The following GRIP1 variants were observed in gnomAD, a reference collection of about 807,000 sequenced individuals.
The protein encoded by GRIP1 is glutamate receptor interacting protein 1.
GRIP1 carries 45 observed loss-of-function variants against 129.9 expected under a neutral mutation model. That is an observed-to-expected ratio of 0.35 (90% confidence interval 0.27 to 0.44). GRIP1 has a LOEUF of 0.44. Among genes scored for constraint, GRIP1 ranks in the 20% least tolerant of loss-of-function variants. The pLI is 1.00. For synonymous variants in GRIP1, 530 were observed against 520.8 expected (o/e 1.02, Z -0.24); for missense variants, 1,196 against 1,396.8 (o/e 0.86, Z 2.29).
chr12:66,881,124 A>G (rs1047850217), intron 1 of GRIP1, among the ~76,000 whole-genome samples: 2 of 152,104 alleles, frequency 1.3e-5, no homozygotes, highest in African/African-American at 4.8e-5. Flanking sequence ...TGGACTATCT[A>G]ATGAATGGTA....
chr12:66,719,498 T>C (rs558855267), intron 1 of GRIP1, among the ~76,000 whole-genome samples: 136 of 152,300 alleles, frequency 8.9e-4, no homozygotes, highest in African/African-American at 3.2e-3. Context: ...TTATTGTAAA[T>C]CCCTGAGATA....
At chr12:66,943,036 AGTCTG>A (rs1192281279) in intron 1 of GRIP1, among the ~76,000 whole-genome samples, 1 of 152,198 alleles carries the variant, frequency 6.6e-6, no homozygotes, top group Non-Finnish European at 1.5e-5. Flanking sequence ...TAAGCCGCCC[AGTCTG>A]CAGTATTCTA....
intron 7 of GRIP1, among the ~76,000 whole-genome samples, chr12:66,489,631 G>T (rs1377719463): frequency 6.6e-6 from 1 of 152,128 alleles, no homozygotes; most frequent in African/African-American, 2.4e-5. Flanking sequence ...TCAGGCAATA[G>T]AAAGAAATAA....
At chr12:66,836,014 C>T (rs1009830676) in intron 1 of GRIP1, among the ~76,000 whole-genome samples, 1 of 152,154 alleles carries the variant, frequency 6.6e-6, no homozygotes, top group African/African-American at 2.4e-5. Flanking sequence ...CTTAATTTTA[C>T]TATGAACCTA....
At chr12:66,645,535 A>G (rs181558293) in intron 1 of GRIP1, among the ~76,000 whole-genome samples, 1 of 152,346 alleles carries the variant, frequency 6.6e-6, no homozygotes, top group East Asian at 1.9e-4. Context: ...CATGAAGTCC[A>G]GTGCTTTAGA....
chr12:66,842,679 G>T (rs756511826), intron 1 of GRIP1, among the ~76,000 whole-genome samples: 1 of 152,134 alleles, frequency 6.6e-6, no homozygotes, highest in African/African-American at 2.4e-5. Flanking sequence ...GACTGATAGG[G>T]ATGTCTCTGA....
At chr12:66,654,219 GA>G (rs953144263) in intron 1 of GRIP1, among the ~76,000 whole-genome samples, 18 of 150,750 alleles carry the variant, frequency 1.2e-4, no homozygotes, top group Admixed American at 6.6e-4. Context: ...TGATCTTAAA[GA>G]AAAAAAAATC....
At position 66,464,039 on chromosome 12, in the gene GRIP1, C is replaced by A. The variant is rs1297195231; in HGVS notation, c.873-946G>T. 4.6e-5 allele frequency among the ~76,000 whole-genome samples: 7 copies of A among 152,038 alleles called. No individual in the cohort carries two copies. In the South Asian group the frequency reaches 1.5e-3, roughly 32 times the overall value. ...CGGGGGGTTGCTGCAGTTCACTGCA[C>A]CATGGCTGGAGGTGGAAAGGCAGGT... is the stretch of plus-strand genomic sequence containing the variant. On this transcript the variant is annotated intron_variant, in intron 8 of 24. Transcript: ENST00000359742.
chr12:66,856,662 A>G (rs1290833385), intron 1 of GRIP1, among the ~76,000 whole-genome samples: 73 of 151,802 alleles, frequency 4.8e-4, no homozygotes, highest in African/African-American at 1.7e-3. Flanking sequence ...GCAAATCAAA[A>G]CCACAATGAG....
intron 14 of GRIP1, among the ~76,000 whole-genome samples, chr12:66,430,070 A>C (rs1198965423): frequency 6.6e-6 from 1 of 152,236 alleles, no homozygotes; most frequent in East Asian, 1.9e-4. Flanking sequence ...GTGCTTAGTA[A>C]AACATTTGCA....
intron 1 of GRIP1, among the ~76,000 whole-genome samples, chr12:66,655,370 C>T (rs774978406): frequency 6.6e-6 from 1 of 152,028 alleles, no homozygotes; most frequent in Non-Finnish European, 1.5e-5. Flanking sequence ...AAAAGGGTAC[C>T]GAGATTTCCC....
intron 1 of GRIP1, among the ~76,000 whole-genome samples, chr12:67,034,556 T>A (rs1040555479): frequency 3.3e-5 from 5 of 152,094 alleles, no homozygotes; most frequent in African/African-American, 1.2e-4. Context: ...ATAAAAAAAA[T>A]GGAACACCTA....
At chr12:66,576,534 A>C (rs1777450278) in intron 2 of GRIP1, among the ~76,000 whole-genome samples, 1 of 152,248 alleles carries the variant, frequency 6.6e-6, no homozygotes, top group African/African-American at 2.4e-5. Context: ...GAAAGAAGAC[A>C]GCCTTTGAAT....
At chr12:66,487,917 A>G (rs2059998272) in intron 7 of GRIP1, among the ~76,000 whole-genome samples, 1 of 152,242 alleles carries the variant, frequency 6.6e-6, no homozygotes, top group Non-Finnish European at 1.5e-5. Flanking sequence ...TCAATCCAAC[A>G]AGAAGAGCTA....
intron 1 of GRIP1, among the ~76,000 whole-genome samples, chr12:66,812,528 T>A (rs1226872455): frequency 6.6e-6 from 1 of 152,250 alleles, no homozygotes; most frequent in Non-Finnish European, 1.5e-5. Context: ...TAATTACATG[T>A]TCGATATTTA....
intron 7 of GRIP1, among the ~76,000 whole-genome samples, chr12:66,510,201 C>T (rs1390565919): frequency 6.6e-6 from 1 of 152,128 alleles, no homozygotes; most frequent in Non-Finnish European, 1.5e-5. Context: ...GTAATTACTA[C>T]CATTTTACAC....
intron 1 of GRIP1, among the ~76,000 whole-genome samples, chr12:66,853,671 A>T (rs2137087499): frequency 6.6e-6 from 1 of 152,240 alleles, no homozygotes; most frequent in South Asian, 2.1e-4. Context: ...TTTATAAATC[A>T]TGAGCCAAAG....
intron 2 of GRIP1, among the ~76,000 whole-genome samples, chr12:66,549,263 G>A (rs567856685): frequency 1.3e-5 from 2 of 152,248 alleles, no homozygotes; most frequent in African/African-American, 2.4e-5. Context: ...TCAGCTTGTG[G>A]CAAACAGAAT....
chr12:66,875,435 G>A (rs957958342), intron 1 of GRIP1, among the ~76,000 whole-genome samples: 2 of 152,052 alleles, frequency 1.3e-5, no homozygotes, highest in Admixed American at 1.3e-4. Context: ...AGGTTACATA[G>A]CTGCAAAATC....
Sources: gnomAD v4.1 joint callset for allele counts (sites outside exome capture counted in the v4.1 genomes callset) on GRCh38, gnomAD v4.1.1 for gene constraint, MANE v1.5 for transcripts, NCBI Gene and HGNC (gene_info 2026-07-23, HGNC 2026-07-21) for gene names.